ODR4: variants seen among roughly 807,000 people sequenced by gnomAD.
ODR4 encodes the protein odr-4 GPCR localization factor homolog.
A neutral mutation model predicts 60.2 loss-of-function variants in ODR4; 47 were observed. The observed-to-expected ratio is 0.78, with a 90% confidence interval of 0.62 to 1.00. ODR4 has a LOEUF of 1.00. Ranked by LOEUF, ODR4 falls within the 50% of genes least tolerant of loss-of-function variation. The pLI is 0.00. For synonymous variants in ODR4, 178 were observed against 175.5 expected (o/e 1.01, Z -0.11); for missense variants, 488 against 530.8 (o/e 0.92, Z 0.79).
chr1:186,379,415 C>T (rs1433895410), intron 1 of ODR4, among the ~76,000 whole-genome samples: 10 of 147,290 alleles, frequency 6.8e-5, no homozygotes, highest in African/African-American at 1.5e-4. Context: ...TGCACTCCAG[C>T]CTGGGTGACA....
At chr1:186,381,332 C>CTTCTTTTTTTTTTTTTTTTTTT (rs1558057831) in intron 2 of ODR4, among the ~76,000 whole-genome samples, 1 of 144,598 alleles carries the variant, frequency 6.9e-6, no homozygotes, top group African/African-American at 2.5e-5. Flanking sequence ...GGCCTTCCTT[C>CTTCTTTTTTTTTTTTTTTTTTT]TTTTTTTTTT....
chr1:186,390,424 G>A (rs1229504605), intron 6 of ODR4, among the ~76,000 whole-genome samples: 1 of 152,158 alleles, frequency 6.6e-6, no homozygotes, highest in Non-Finnish European at 1.5e-5. Context: ...TGAAGCTAGA[G>A]GATCAAAGGA....
chr1:186,405,976 CT>C, intron 11 of ODR4, 106 bp from the exon 12 acceptor site: 1 of 808,122 alleles, frequency 1.2e-6, no homozygotes, highest in Non-Finnish European at 1.7e-6. Flanking sequence ...AAATATTGAC[CT>C]TTTAAGCTTT....
At chr1:186,434,672 A>AT in the ODR4 span, among the ~76,000 whole-genome samples, 1 of 152,198 alleles carries the variant, frequency 6.6e-6, no homozygotes, top group Non-Finnish European at 1.5e-5. Flanking sequence ...ATCTTTATTT[A>AT]TTTTTAATAA....
In ODR4 at chr1:186,379,811, A is replaced by G; in HGVS notation, c.26A>G (p.Glu9Gly). The change falls in exon 2 of 14, where the codon GAG becomes GGG. Residue 9 changes from glutamate to glycine, a missense_variant. Coordinates refer to ENST00000287859, the MANE Select transcript of ODR4 (RefSeq NM_017847.6). ...ATGGGAAGAACCTACATTGTAGAAGAGACTGTTGGCCAGTATCTTTCAAAC... is the reference window on the plus strand; with the variant it reads ...ATGGGAAGAACCTACATTGTAGAAGGGACTGTTGGCCAGTATCTTTCAAAC... MGRTYIVE[E>G]TVGQYLSNIN... The G allele has an allele frequency of 6.2e-7, 1 of 1,602,092 alleles. No individual in the cohort carries two copies. The highest frequency in any genetic ancestry group is 8.5e-7 in the Non-Finnish European group (1 of 1,176,288).
intron 10 of ODR4, 37 bp from the exon 11 acceptor site, chr1:186,398,913 TTTTA>T (rs746747970): frequency 1.4e-6 from 2 of 1,415,742 alleles, no homozygotes; most frequent in Admixed American, 4.3e-5. Context: ...ATCTAAAGTA[TTTTA>T]TTTCTTACTG....
At chr1:186,424,777 G>A (rs571793222), downstream of ODR4, among the ~76,000 whole-genome samples, 151 of 152,064 alleles carry the variant, frequency 9.9e-4, 1 homozygote, top group South Asian at 0.031. Context: ...GGGACTTGGA[G>A]TTCTTCCAGT....
In ODR4 at chr1:186,379,743, G is replaced by C. The variant is rs767621933; in HGVS notation, c.-19-24G>C. On this transcript the variant is annotated intron_variant, in intron 1 of 13. Transcript: ENST00000287859. ...GCAAATGATATTTTACCTAAATGCT[G>C]TATCTTTTCTTCTTGTGATATAGGA... 16 of 1,245,300 alleles carry C rather than the reference G, an allele frequency of 1.3e-5. No homozygotes were observed. In the East Asian group the frequency reaches 3.1e-4, roughly 24 times the overall value. The allele number at this position is 1,245,300 out of a possible 1,614,324, so 77.1% of individuals were successfully genotyped here.
At position 186,388,529 on chromosome 1, in the gene ODR4, A is replaced by G. The variant is rs751750131; in HGVS notation, c.418A>G (p.Ile140Val). 11 of 1,546,662 alleles carry G rather than the reference A, an allele frequency of 7.1e-6. No individual in the cohort carries two copies. Among genetic ancestry groups the G allele is most frequent in the African/African-American group, 2.8e-5 (2 of 72,706 alleles). Residue 140 changes from isoleucine to valine, a missense_variant, in exon 5 of 14, where the codon ATT becomes GTT. Transcript: ENST00000287859. ...EEVSERVTLH[I>V]CASTKKIFCR... ...AGTCTCAGAACGAGTGACACTTCAC[A>G]TTTGTGCTTCTACAAAAAAGTATCT...
chr1:186,399,226 A>G (rs1201445666), intron 11 of ODR4, 182 bp downstream of exon 11: 7 of 575,260 alleles, frequency 1.2e-5, no homozygotes, highest in African/African-American at 7.7e-5. Context: ...TTTTTTTTAG[A>G]CAGAGTCTCA....
chr1:186,405,919 A>G (rs1468050450), intron 11 of ODR4, among the ~76,000 whole-genome samples, 164 bp from the exon 12 acceptor site: 1 of 152,194 alleles, frequency 6.6e-6, no homozygotes, highest in African/African-American at 2.4e-5. Context: ...GAGGTAAAGC[A>G]GAATTTGGTA....
At chr1:186,433,952 T>G in the ODR4 span, among the ~76,000 whole-genome samples, 1 of 152,188 alleles carries the variant, frequency 6.6e-6, no homozygotes, top group South Asian at 2.1e-4. Context: ...TAGATACTAA[T>G]TTTTTGTTAC....
chr1:186,427,460 A>T, the ODR4 span, among the ~76,000 whole-genome samples: 1 of 152,032 alleles, frequency 6.6e-6, no homozygotes, highest in East Asian at 1.9e-4. Context: ...TATCGCACCA[A>T]TTTAGTCACA....
Position 186,404,067 on chromosome 1 carries a change from GT to G in ODR4, c.1001-2015del, listed in dbSNP as rs1422008592. 4.6e-5 allele frequency among the ~76,000 whole-genome samples: 7 copies of G among 152,184 alleles called. No individual in the cohort carries two copies. The South Asian group carries it at 1.5e-3, about 32-fold the overall frequency. ...ATACATAAATAACTTAAAAGTTTCA[GT>G]ACTACTCTGATACCAGCTAGGACAT... On this transcript the variant is annotated intron_variant, in intron 11 of 13. Coordinates refer to ENST00000287859, the MANE Select transcript of ODR4 (RefSeq NM_017847.6).
chr1:186,424,972 GAAAA>G (rs61156981), downstream of ODR4, among the ~76,000 whole-genome samples: 465 of 127,650 alleles, frequency 3.6e-3, 4 homozygotes, highest in African/African-American at 0.012. Flanking sequence ...CTAGATTAAA[GAAAA>G]AAAAAAAAAA....
the ODR4 span, among the ~76,000 whole-genome samples, chr1:186,427,314 G>C: frequency 6.6e-6 from 1 of 152,180 alleles, no homozygotes; most frequent in African/African-American, 2.4e-5. Context: ...CTAAGTTTGT[G>C]TGACATTCTG....
intron 9 of ODR4, among the ~76,000 whole-genome samples, chr1:186,396,476 G>A (rs1660680898): frequency 6.6e-6 from 1 of 152,124 alleles, no homozygotes; most frequent in African/African-American, 2.4e-5. Context: ...GGGGGTGATG[G>A]TGTGTGCCTG....
At chr1:186,418,320 T>C (rs567158113) in intron 13 of ODR4, among the ~76,000 whole-genome samples, 2 of 143,238 alleles carry the variant, frequency 1.4e-5, no homozygotes, top group Non-Finnish European at 3.0e-5. Context: ...AGACGGAGTC[T>C]CGCTCTGTCG....
intron 3 of ODR4, among the ~76,000 whole-genome samples, chr1:186,383,478 G>A (rs1352560478): frequency 6.6e-6 from 1 of 151,838 alleles, no homozygotes; most frequent in East Asian, 1.9e-4. Flanking sequence ...GTGAGGGGAG[G>A]GAACTTAGAG....
Sources: gnomAD v4.1 joint callset for allele counts (sites outside exome capture counted in the v4.1 genomes callset) on GRCh38, gnomAD v4.1.1 for gene constraint, MANE v1.5 for transcripts, NCBI Gene and HGNC (gene_info 2026-07-23, HGNC 2026-07-21) for gene names.